SECISBP2L: variants seen among roughly 807,000 people sequenced by gnomAD.
SECISBP2L encodes the protein selenocysteine insertion sequence-binding protein 2-like.
In SECISBP2L, 43 loss-of-function variants were observed where a neutral mutation model predicts 114.7. The ratio of observed to expected loss-of-function variants is 0.38; its 90% CI spans 0.29 to 0.48. The LOEUF (loss-of-function observed/expected upper bound fraction) is 0.48. Among genes scored for constraint, SECISBP2L ranks in the 20% least tolerant of loss-of-function variants. SECISBP2L has a pLI of 0.98. For synonymous variants in SECISBP2L, 451 were observed against 439.7 expected (o/e 1.03, Z -0.32); for missense variants, 1,136 against 1,301.1 (o/e 0.87, Z 1.95).
rs776168029 is a variant in SECISBP2L at position 48,991,717 on chromosome 15, C to CTA, written c.*525_*526dup. 3 of 152,734 alleles carry CTA rather than the reference C, an allele frequency of 2.0e-5. No individual in the cohort carries two copies. The highest frequency in any genetic ancestry group is 1.9e-4 in the East Asian group (1 of 5,198). The allele number at this position is 152,734 out of a possible 1,614,324, so 9.5% of individuals were successfully genotyped here. A position where few individuals can be genotyped will look rare whatever the true frequency, so the allele number is the denominator to read the frequency against. The stretch of plus-strand genomic sequence containing the variant: ...AATTACAATAATCAGTGACTTCTGA[C>CTA]TAAACATTTGTGGACCACATAAAAG... On this transcript the variant is annotated 3_prime_UTR_variant, in exon 18 of 18. Coordinates refer to ENST00000559471, the MANE Select transcript of SECISBP2L (RefSeq NM_001193489.2).
At chr15:49,023,452 T>A (rs1005003667) in intron 7 of SECISBP2L, among the ~76,000 whole-genome samples, 2 of 152,232 alleles carry the variant, frequency 1.3e-5, no homozygotes, top group African/African-American at 4.8e-5. Context: ...CTAGGCACTT[T>A]CCACATTGTT....
At position 49,005,279 on chromosome 15, in the gene SECISBP2L, G is replaced by A. The variant is rs1016034102; in HGVS notation, c.2027+3937C>T. Among the ~76,000 whole-genome samples, 85 of 152,080 alleles carry A rather than the reference G, an allele frequency of 5.6e-4. 1 individual carries two copies. Among genetic ancestry groups the A allele is most frequent in the Admixed American group, 5.2e-3 (79 of 15,254 alleles). The stretch of plus-strand genomic sequence containing the variant: ...CAGGAGGTGGAGGTTGCAATAAGCC[G>A]AGATCGCGCCACTGCACTCCAGCCT... On this transcript the variant is annotated intron_variant, in intron 14 of 17. Transcript: ENST00000559471.
chr15:49,020,648 C>T (rs1314134105), intron 7 of SECISBP2L, among the ~76,000 whole-genome samples: 1 of 152,106 alleles, frequency 6.6e-6, no homozygotes, highest in Non-Finnish European at 1.5e-5. Context: ...ACTAGGACCA[C>T]AGGTGTGCAC....
At chr15:49,017,656 A>G in intron 8 of SECISBP2L, 28 bp from the exon 9 acceptor site, 1 of 1,545,908 alleles carries the variant, frequency 6.5e-7, no homozygotes, top group South Asian at 1.2e-5. Flanking sequence ...TTAAGTAAAA[A>G]GAGTTCAAGG....
At chr15:49,046,232 G>A in intron 1 of SECISBP2L, 44 bp downstream of exon 1, 2 of 1,568,002 alleles carry the variant, frequency 1.3e-6, no homozygotes, top group South Asian at 2.3e-5. Context: ...AGGAAGCGGC[G>A]ACCCCAACCC....
chr15:49,011,992 C>A, intron 12 of SECISBP2L, 129 bp from the exon 13 acceptor site: 2 of 935,774 alleles, frequency 2.1e-6, no homozygotes, highest in Non-Finnish European at 3.2e-6. Context: ...GGCTAACTGG[C>A]AAAAAGGCAA....
rs963050285 is a variant in SECISBP2L, at chr15:49,027,421, T to C, written c.979A>G (p.Lys327Glu). 46 of 1,610,940 alleles carry C rather than the reference T, an allele frequency of 2.9e-5. No homozygotes were observed. Among genetic ancestry groups the C allele is most frequent in the Non-Finnish European group, 3.9e-5 (46 of 1,177,940 alleles). The change falls in exon 7 of 18, where the codon AAA becomes GAA. Residue 327 changes from lysine (K) to glutamate (E), a missense_variant. Around this residue, in one of 2 missense-constraint regions of SECISBP2L, gnomAD observed 452 missense variants for 452.3 expected, o/e 1.00. Coordinates refer to ENST00000559471, the MANE Select transcript of SECISBP2L (RefSeq NM_001193489.2). Reference protein sequence around the residue: ...QATQKKPWMEKNQTFSRGGRQ... With the variant: ...QATQKKPWMEENQTFSRGGRQ... ...CCACCTCTAGAAAATGTCTGATTTTTTTCCATCCAAGGTTTTTTCTGAGTT... is the reference window on the plus strand; with the variant it reads ...CCACCTCTAGAAAATGTCTGATTTTCTTCCATCCAAGGTTTTTTCTGAGTT...
At chr15:49,039,909 GGTT>G (rs1482762179) in intron 1 of SECISBP2L, among the ~76,000 whole-genome samples, 4 of 151,886 alleles carry the variant, frequency 2.6e-5, no homozygotes, top group Non-Finnish European at 5.9e-5. Context: ...AGACATTCGG[GGTT>G]TTTTTCAGCA....
intron 13 of SECISBP2L, among the ~76,000 whole-genome samples, chr15:49,010,124 GAC>G (rs61663836): frequency 3.0e-4 from 41 of 138,782 alleles, no homozygotes; most frequent in East Asian, 8.4e-4. Flanking sequence ...AACAGAGGCA[GAC>G]ACACACACAC....
Position 48,992,186 on chromosome 15 carries a change from A to G in SECISBP2L, c.*58T>C, listed in dbSNP as rs1901990301. 2.0e-6 allele frequency: 3 copies of G among 1,484,558 alleles called. No homozygotes were observed. The Admixed American group carries it at 6.6e-5, about 33-fold the overall frequency. The allele number at this position is 1,484,558 out of a possible 1,614,324, so 92.0% of individuals were successfully genotyped here. On this transcript the variant is annotated 3_prime_UTR_variant, in exon 18 of 18. Coordinates refer to ENST00000559471, the MANE Select transcript of SECISBP2L (RefSeq NM_001193489.2). Reference sequence around the variant, plus strand: ...AGTGCAAAATGTTGAGATGAAGCATAAAAGGTAATGGCTGCAACCCTTCCA... The same window carrying G: ...AGTGCAAAATGTTGAGATGAAGCATGAAAGGTAATGGCTGCAACCCTTCCA...
chr15:49,000,218 C>T (rs547379670), intron 15 of SECISBP2L, among the ~76,000 whole-genome samples: 1 of 152,256 alleles, frequency 6.6e-6, no homozygotes, highest in East Asian at 1.9e-4. Context: ...ATTTTTCTTT[C>T]TCCATAGGGA....
chr15:49,024,420 C>T lies in SECISBP2L; in HGVS notation c.1035+2945G>A, dbSNP rs1313498168. Among the ~76,000 whole-genome samples, 11 of 150,570 alleles carry T rather than the reference C, an allele frequency of 7.3e-5. No individual in the cohort carries two copies. In the South Asian group the frequency reaches 1.0e-3, roughly 14 times the overall value. ...CTGAGGCAGGACAATCACTTGAACC[C>T]GGGAGGCGGAGGTTGCAGTGAGCTA... On this transcript the variant is annotated intron_variant, in intron 7 of 17. Transcript: ENST00000559471.
intron 14 of SECISBP2L, among the ~76,000 whole-genome samples, chr15:49,005,966 A>G (rs1902315670): frequency 6.6e-6 from 1 of 152,110 alleles, no homozygotes. Context: ...AAAATCTCTC[A>G]GCATTTACTT....
At chr15:49,032,488 T>C (rs1343432935) in intron 4 of SECISBP2L, among the ~76,000 whole-genome samples, 1 of 152,224 alleles carries the variant, frequency 6.6e-6, no homozygotes. Flanking sequence ...TCAAAACTTG[T>C]ACTTGTTTAA....
rs1037033135 is a variant in SECISBP2L, at chr15:49,003,085, T to A, written c.2028-1988A>T. On this transcript the variant is annotated intron_variant, in intron 14 of 17. Transcript: ENST00000559471. ...TATTGATTCTTCCTATCCGTGAGCA[T>A]GGAATGTTTTTCAATTTGTTTGTGT... 5.3e-5 allele frequency among the ~76,000 whole-genome samples: 8 copies of A among 152,330 alleles called. 1 individual carries two copies. The highest frequency in any genetic ancestry group is 1.3e-4 in the Admixed American group (2 of 15,300).
intron 1 of SECISBP2L, among the ~76,000 whole-genome samples, chr15:49,043,004 G>T (rs1228856829): frequency 6.6e-6 from 1 of 152,156 alleles, no homozygotes; most frequent in East Asian, 1.9e-4. Flanking sequence ...TCCAGCCTGG[G>T]TGACAGAGTG....
chr15:49,035,590 A>C lies in SECISBP2L; in HGVS notation c.272T>G (p.Phe91Cys). 2 of 1,614,192 alleles carry C rather than the reference A, an allele frequency of 1.2e-6. No homozygotes were observed. Among genetic ancestry groups the C allele is most frequent in the Non-Finnish European group, 8.5e-7 (1 of 1,180,032 alleles). The change falls in exon 3 of 18, where the codon TTT becomes TGT. Residue 91 changes from phenylalanine (F) to cysteine (C), a missense_variant. Physicochemically the swap from Phe to Cys is radical, Grantham distance 205. This residue lies in a region of SECISBP2L where 452 missense variants were observed against 452.3 expected (regional missense o/e 1.00). Coordinates refer to ENST00000559471, the MANE Select transcript of SECISBP2L (RefSeq NM_001193489.2). Reference protein sequence around the residue: ...QPNPNPTGPYFAYPIISAQPP... With the variant: ...QPNPNPTGPYCAYPIISAQPP... Reference sequence around the variant, plus strand: ...CTGAGCAGATATAATGGGATAGGCAAAGTATGGTCCAGTAGGGTTTGGATT... The same window carrying C: ...CTGAGCAGATATAATGGGATAGGCACAGTATGGTCCAGTAGGGTTTGGATT...
intron 2 of SECISBP2L, among the ~76,000 whole-genome samples, chr15:49,036,952 G>A (rs1250565375): frequency 6.6e-6 from 1 of 152,086 alleles, no homozygotes; most frequent in South Asian, 2.1e-4. Context: ...CTTGAAAAAG[G>A]CTGAAAGTAC....
Position 49,009,282 on chromosome 15 carries a change from C to G in SECISBP2L, c.1961G>C (p.Ser654Thr), listed in dbSNP as rs1902386841. 1 of 1,614,156 alleles carries G rather than the reference C, an allele frequency of 6.2e-7. No individual in the cohort carries two copies. The highest frequency in any genetic ancestry group is 8.5e-7 in the Non-Finnish European group (1 of 1,180,012). The change falls in exon 14 of 18, where the codon AGT becomes ACT. Residue 654 changes from serine to threonine, a missense_variant. Coordinates refer to ENST00000559471, the MANE Select transcript of SECISBP2L (RefSeq NM_001193489.2). ...MTPVSQGSPA[S>T]SGIGSPMASS... is the part of the protein sequence containing the mutation. ...TGCCATTGGACTGCCTATTCCAGAA[C>G]TAGCAGGAGAGCCTTGTGACACAGG...
Sources: allele counts gnomAD v4.1 joint callset (sites outside exome capture counted in the v4.1 genomes callset), GRCh38; gene constraint gnomAD v4.1.1; regional missense constraint gnomAD v4.1.1; transcripts MANE v1.5; gene names NCBI Gene and HGNC (gene_info 2026-07-23, HGNC 2026-07-21).